CHMP3: variants seen among roughly 807,000 people sequenced by gnomAD.
CHMP3 encodes the protein 25.1 protein.
In CHMP3, 8 loss-of-function variants were observed where a neutral mutation model predicts 27.4. The observed-to-expected ratio is 0.29, with a 90% CI of 0.17 to 0.53. CHMP3 has a LOEUF of 0.53. Ranked by LOEUF, CHMP3 falls within the 20% of genes least tolerant of loss-of-function variation. CHMP3 has a pLI of 0.96. For synonymous variants in CHMP3, 86 were observed against 85.5 expected, an observed-to-expected ratio of 1.01 and a Z score of -0.03; for missense variants, 208 against 271.5, an observed-to-expected ratio of 0.77 and a Z score of 1.64.
intron 3 of CHMP3, among the ~76,000 whole-genome samples, chr2:86,515,484 G>A (rs1675265661): frequency 6.6e-6 from 1 of 152,038 alleles, no homozygotes; most frequent in Non-Finnish European, 1.5e-5. Flanking sequence ...CACCATGCCA[G>A]CTAATTTTGT....
chr2:86,513,131 TAAAC>T (rs1191670360), intron 3 of CHMP3, among the ~76,000 whole-genome samples: 1 of 152,140 alleles, frequency 6.6e-6, no homozygotes, highest in Non-Finnish European at 1.5e-5. Context: ...GGTGTACGGA[TAAAC>T]AAACTGGTAC....
rs1491431515 is a variant in CHMP3 at position 86,504,499 on chromosome 2, AAT to A, written c.*1303_*1304del. Reference sequence around the variant, plus strand: ...GAGGGTCCTCTGGACTCAAAAATGAAATTTTTTTTTTTTTTTTTTTTTTTTTT... The same window carrying A: ...GAGGGTCCTCTGGACTCAAAAATGAATTTTTTTTTTTTTTTTTTTTTTTTT... On this transcript the variant is annotated 3_prime_UTR_variant, in exon 6 of 6. Transcript: ENST00000263856. 1.5e-4 allele frequency: 20 copies of A among 135,176 alleles called. No individual in the cohort carries two copies. The highest frequency in any genetic ancestry group is 4.9e-4 in the African/African-American group (18 of 36,660). The allele number at this position is 135,176 out of a possible 1,614,324, so 8.4% of individuals were successfully genotyped here.
At chr2:86,526,017 C>T (rs1337285091) in intron 3 of CHMP3, among the ~76,000 whole-genome samples, 1 of 152,060 alleles carries the variant, frequency 6.6e-6, no homozygotes, top group African/African-American at 2.4e-5. Flanking sequence ...ATAGAGCCCT[C>T]GAGCACCTTA....
intron 1 of CHMP3, among the ~76,000 whole-genome samples, chr2:86,555,763 T>C (rs1186008171): frequency 6.6e-6 from 1 of 152,216 alleles, no homozygotes; most frequent in Non-Finnish European, 1.5e-5. Flanking sequence ...TTCTTCTGTG[T>C]ATGTCAAATC....
intron 3 of CHMP3, among the ~76,000 whole-genome samples, chr2:86,527,782 G>A (rs1426668639): frequency 3.3e-5 from 5 of 151,872 alleles, no homozygotes; most frequent in East Asian, 1.9e-4. Flanking sequence ...GTAACATGGC[G>A]AAACCCCGTC....
In CHMP3 at chr2:86,519,923, A is replaced by G. The variant is rs569020190; in HGVS notation, c.286+9295T>C. Among the ~76,000 whole-genome samples, 13 of 152,350 alleles carry G rather than the reference A, an allele frequency of 8.5e-5. No homozygotes were observed. The East Asian group carries it at 1.7e-3, about 20-fold the overall frequency. Reference sequence around the variant, plus strand: ...CAAGCCTTAAAGAAACTGAATTTTAATCTTATATATGCTAGATCACAATTT... The same window carrying G: ...CAAGCCTTAAAGAAACTGAATTTTAGTCTTATATATGCTAGATCACAATTT... On this transcript the variant is annotated intron_variant, in intron 3 of 5. Coordinates refer to ENST00000263856, the MANE Select transcript of CHMP3 (RefSeq NM_016079.4).
At chr2:86,545,458 G>A (rs13026470) in intron 1 of CHMP3, among the ~76,000 whole-genome samples, 2 of 113,240 alleles carry the variant, frequency 1.8e-5, no homozygotes, top group African/African-American at 3.4e-5. Context: ...CCCACTTCCT[G>A]GACGGGGCGG....
chr2:86,514,100 T>A (rs370141569), intron 3 of CHMP3, among the ~76,000 whole-genome samples: 26 of 152,342 alleles, frequency 1.7e-4, no homozygotes, highest in African/African-American at 6.3e-4. Context: ...TGAGAGTTGG[T>A]TAGGATGCAT....
At position 86,542,270 on chromosome 2, in the gene CHMP3, C is replaced by G; in HGVS notation, c.88G>C (p.Val30Leu). 1 of 1,613,534 alleles carries G rather than the reference C, an allele frequency of 6.2e-7. No homozygotes were observed. The highest frequency in any genetic ancestry group is 2.2e-5 in the East Asian group (1 of 44,794). Residue 30 changes from valine to leucine, a missense_variant, in exon 2 of 6, where the codon GTT becomes CTT. By Grantham distance (32) the Val-to-Leu change is conservative (BLOSUM62 1). This residue lies in a region of CHMP3 where 52 missense variants were observed against 43.5 expected (regional missense o/e 1.19). Transcript: ENST00000263856. ...SLKIRKEMRV[V>L]DRQIRDIQRE... ...AACTTACCCCTTATTTGCCTGTCAA[C>G]AACTCTCATTTCCTTTCTTATCTTC...
intron 1 of CHMP3, 88 bp downstream of exon 1, chr2:86,563,216 G>C (rs540442339): frequency 2.7e-6 from 4 of 1,488,640 alleles, no homozygotes; most frequent in East Asian, 2.3e-5. Context: ...TCGGGCAGGC[G>C]GTGGGGAGAA....
At chr2:86,553,859 C>A (rs1211076994) in intron 1 of CHMP3, among the ~76,000 whole-genome samples, 1 of 152,132 alleles carries the variant, frequency 6.6e-6, no homozygotes, top group Non-Finnish European at 1.5e-5. Flanking sequence ...TTCAAACTGA[C>A]CGAGCTGAAA....
intron 1 of CHMP3, among the ~76,000 whole-genome samples, chr2:86,549,525 G>T (rs1676785376): frequency 6.7e-6 from 1 of 149,880 alleles, no homozygotes; most frequent in African/African-American, 2.5e-5. Context: ...CCCAGACAGG[G>T]CGGCCAGGCA....
chr2:86,536,018 C>T (rs1396513013), intron 2 of CHMP3, among the ~76,000 whole-genome samples: 11 of 73,482 alleles, frequency 1.5e-4, no homozygotes, highest in African/African-American at 3.8e-4. Flanking sequence ...TTTTTTGAGA[C>T]GGAGTCTCGC....
chr2:86,555,398 T>A (rs1408939873), intron 1 of CHMP3, among the ~76,000 whole-genome samples: 4 of 150,574 alleles, frequency 2.7e-5, no homozygotes, highest in Non-Finnish European at 5.9e-5. Flanking sequence ...ACAAAGTACT[T>A]AAAACATAAA....
Position 86,559,225 on chromosome 2 carries a change from C to T in CHMP3, c.45+4079G>A, listed in dbSNP as rs1396423382. On this transcript the variant is annotated intron_variant, in intron 1 of 5. Transcript: ENST00000263856. The stretch of plus-strand genomic sequence containing the variant: ...TGCTCTCTTCTGCATCTGGGATACC[C>T]GTCTCCTGCTCTTAGACATCAGAAC... Among the ~76,000 whole-genome samples, 7 of 152,174 alleles carry T rather than the reference C, an allele frequency of 4.6e-5. 1 individual carries two copies. The highest frequency in any genetic ancestry group is 3.9e-4 in the Admixed American group (6 of 15,282).
intron 1 of CHMP3, chr2:86,542,788 C>T (rs1345274903): frequency 6.6e-6 from 1 of 152,636 alleles, no homozygotes; most frequent in African/African-American, 2.4e-5. Flanking sequence ...CTCTTATTAC[C>T]ATGGTAGTTT....
In CHMP3 at chr2:86,505,771, G is replaced by A. The variant is rs1433043473; in HGVS notation, c.*33C>T. ...CACATAAAATGGCAGCTCTTGAGAG[G>A]AGTGTGTGCACACCCAGCGGGGTAG... On this transcript the variant is annotated 3_prime_UTR_variant, in exon 6 of 6. Coordinates refer to ENST00000263856, the MANE Select transcript of CHMP3 (RefSeq NM_016079.4). The A allele has an allele frequency of 1.3e-6, 2 of 1,509,416 alleles. No individual in the cohort carries two copies. The highest frequency in any genetic ancestry group is 2.8e-5 in the African/African-American group (2 of 71,274). The allele number at this position is 1,509,416 out of a possible 1,614,324, so 93.5% of individuals were successfully genotyped here.
intron 1 of CHMP3, among the ~76,000 whole-genome samples, chr2:86,552,150 G>C (rs1270399499): frequency 6.6e-6 from 1 of 152,168 alleles, no homozygotes; most frequent in Non-Finnish European, 1.5e-5. Flanking sequence ...AAGTTTTTCA[G>C]TATCAAACAG....
chr2:86,532,852 T>C (rs933254087), intron 2 of CHMP3, among the ~76,000 whole-genome samples: 6 of 152,210 alleles, frequency 3.9e-5, no homozygotes, highest in Non-Finnish European at 5.9e-5. Context: ...CTGTTGAAGA[T>C]TTTTGCACCA....
Sources: gnomAD v4.1 joint callset for allele counts (sites outside exome capture counted in the v4.1 genomes callset) on GRCh38, gnomAD v4.1.1 for gene constraint, gnomAD v4.1.1 regional missense constraint, MANE v1.5 for transcripts, NCBI Gene and HGNC (gene_info 2026-07-23, HGNC 2026-07-21) for gene names.